Variants in GRID1 observed in about 807,000 individuals in gnomAD.
The protein encoded by GRID1 is glutamate ionotropic receptor delta type subunit 1.
GRID1 carries 28 observed loss-of-function variants against 98.0 expected under a neutral mutation model. The observed-to-expected ratio is 0.29, with a 90% confidence interval of 0.21 to 0.39. GRID1 has a LOEUF of 0.39. Among genes scored for constraint, GRID1 ranks in the 10% least tolerant of loss-of-function variants. The pLI, the probability that GRID1 is intolerant of heterozygous loss-of-function variation, is 1.00. For missense variants in GRID1, 1,111 were observed against 1,340.5 expected (o/e 0.83, Z 2.67); for synonymous variants, 553 against 538.5 (o/e 1.03, Z -0.37).
chr10:86,302,386 T>C (rs1847701661), intron 2 of GRID1, among the ~76,000 whole-genome samples: 2 of 152,188 alleles, frequency 1.3e-5, no homozygotes, highest in South Asian at 4.1e-4. Context: ...GAATGAAAAC[T>C]TCTAACACCT....
chr10:85,685,094 C>A (rs182203375), intron 12 of GRID1, among the ~76,000 whole-genome samples: 234 of 152,240 alleles, frequency 1.5e-3, no homozygotes, highest in African/African-American at 5.3e-3. Flanking sequence ...GGTATTATTT[C>A]TTTCATTAAA....
At chr10:85,802,549 C>G (rs1842586251) in intron 8 of GRID1, among the ~76,000 whole-genome samples, 1 of 151,806 alleles carries the variant, frequency 6.6e-6, no homozygotes, top group Non-Finnish European at 1.5e-5. Flanking sequence ...AAATTGTATG[C>G]CAACTCATAT....
intron 8 of GRID1, among the ~76,000 whole-genome samples, chr10:85,755,290 G>A (rs1368224926): frequency 6.6e-6 from 1 of 152,194 alleles, no homozygotes; most frequent in African/African-American, 2.4e-5. Flanking sequence ...TGAGCTAATG[G>A]AGCCTGCTCC....
chr10:85,935,907 C>T (rs1234818118), intron 4 of GRID1, among the ~76,000 whole-genome samples: 1 of 152,152 alleles, frequency 6.6e-6, no homozygotes, highest in Non-Finnish European at 1.5e-5. Flanking sequence ...TGCCTTATAC[C>T]AAGAACTACT....
chr10:86,241,196 C>T (rs1197753230), intron 2 of GRID1, among the ~76,000 whole-genome samples: 1 of 152,266 alleles, frequency 6.6e-6, no homozygotes, highest in African/African-American at 2.4e-5. Flanking sequence ...GAACTCTCAC[C>T]TTATCTCTGA....
At chr10:86,283,748 T>A (rs1192718036) in intron 2 of GRID1, among the ~76,000 whole-genome samples, 1 of 147,096 alleles carries the variant, frequency 6.8e-6, no homozygotes, top group Non-Finnish European at 1.5e-5. Flanking sequence ...CACACCTCCA[T>A]ATACACACTG....
chr10:85,633,092 A>G (rs983316650), intron 13 of GRID1, among the ~76,000 whole-genome samples: 4 of 152,014 alleles, frequency 2.6e-5, no homozygotes, highest in Admixed American at 6.5e-5. Context: ...TCCATGGTGT[A>G]TTAATTTTTG....
intron 2 of GRID1, among the ~76,000 whole-genome samples, chr10:86,356,449 C>G (rs1244926899): frequency 6.6e-6 from 1 of 152,216 alleles, no homozygotes; most frequent in Non-Finnish European, 1.5e-5. Flanking sequence ...TCCTGGATCC[C>G]TTGTGACTGG....
In GRID1 at chr10:86,114,193, G is replaced by GTA. The variant is rs536054108; in HGVS notation, c.726+24624_726+24625dup. 3.7e-3 allele frequency among the ~76,000 whole-genome samples: 570 copies of GTA among 152,278 alleles called. 3 individuals carry two copies. The highest frequency in any genetic ancestry group is 0.013 in the African/African-American group (534 of 41,538). ...AGGTGTCCACCAGACATGGAGTGCA[G>GTA]TATACGTTCCTGGCTCCTGTTAAGG... On this transcript the variant is annotated intron_variant, in intron 4 of 15. Transcript: ENST00000327946.
rs116906164 is a variant in GRID1 at position 85,852,815 on chromosome 10, T to A, written c.1233+1681A>T. On this transcript the variant is annotated intron_variant, in intron 8 of 15. Transcript: ENST00000327946. ...CAGCTTTGGGCATTCCTAACAGACA[T>A]CATAGGCCAGCCCTGGCTTCCTGGA... is the stretch of plus-strand genomic sequence containing the variant. Among the ~76,000 whole-genome samples the A allele has an allele frequency of 2.6e-5, 4 of 152,096 alleles. No homozygotes were observed. In the East Asian group the frequency reaches 7.8e-4, roughly 30 times the overall value.
At chr10:86,193,203 A>G (rs1845829565) in intron 3 of GRID1, among the ~76,000 whole-genome samples, 1 of 151,980 alleles carries the variant, frequency 6.6e-6, no homozygotes. Context: ...AGGGCTTGAG[A>G]TCTGAATCGC....
In GRID1 at chr10:86,088,035, C is replaced by A. The variant is rs1589366960; in HGVS notation, c.726+50784G>T. Among the ~76,000 whole-genome samples the A allele has an allele frequency of 3.3e-5, 5 of 152,344 alleles. 1 individual carries two copies. The highest frequency in any genetic ancestry group is 3.3e-4 in the Admixed American group (5 of 15,308). On this transcript the variant is annotated intron_variant, in intron 4 of 15. Transcript: ENST00000327946. ...TCCTCGCCAACAACCGCGGACTGTT[C>A]CAGCCCCACAAACGCTTCCGTGGCT...
Position 86,206,527 on chromosome 10 carries a change from G to C in GRID1, c.357C>G (p.Asn119Lys). The change falls in exon 3 of 16, where the codon AAC (asparagine) becomes AAG (lysine). Residue 119 changes from asparagine to lysine, a missense_variant. Coordinates refer to ENST00000327946, the MANE Select transcript of GRID1 (RefSeq NM_017551.3). This position sits in a 1 kb window ranked among gnomAD's most constrained non-coding sequence, Gnocchi z 4.1. Reference protein sequence around the residue: ...MHIPHLFVQRNPGGSPRTACH... With the variant: ...MHIPHLFVQRKPGGSPRTACH... ...ATGCGGTGCGTGGCGACCCTCCCGG[G>C]TTGCGCTGGACAAAGAGGTGTGGGA... 1.9e-6 allele frequency: 3 copies of C among 1,614,238 alleles called. No homozygotes were observed. The highest frequency in any genetic ancestry group is 2.5e-6 in the Non-Finnish European group (3 of 1,180,054).
chr10:86,080,361 A>G (rs1411575982), intron 4 of GRID1, among the ~76,000 whole-genome samples: 5 of 137,410 alleles, frequency 3.6e-5, no homozygotes, highest in African/African-American at 1.4e-4. Flanking sequence ...AGAGACAAAA[A>G]AAGAGAGAGA....
At chr10:85,958,343 A>G (rs1842221084) in intron 4 of GRID1, among the ~76,000 whole-genome samples, 1 of 152,178 alleles carries the variant, frequency 6.6e-6, no homozygotes, top group African/African-American at 2.4e-5. Flanking sequence ...ACTAAACAAT[A>G]CAATACCCAT....
intron 8 of GRID1, among the ~76,000 whole-genome samples, chr10:85,770,848 A>T (rs1271628529): frequency 6.6e-6 from 1 of 152,234 alleles, no homozygotes; most frequent in African/African-American, 2.4e-5. Flanking sequence ...TCTACGTCTG[A>T]TTGGTGTACC....
chr10:85,654,563 C>T (rs978687027), intron 12 of GRID1, among the ~76,000 whole-genome samples: 23 of 152,344 alleles, frequency 1.5e-4, no homozygotes, highest in Admixed American at 1.5e-3. Flanking sequence ...GTCCACCCTT[C>T]CTCCTGGGTT....
At chr10:86,110,498 G>A (rs1031309785) in intron 4 of GRID1, among the ~76,000 whole-genome samples, 7 of 152,192 alleles carry the variant, frequency 4.6e-5, no homozygotes, top group Admixed American at 1.3e-4. Context: ...GCACCATTGC[G>A]AAGAGGCAAT....
intron 8 of GRID1, among the ~76,000 whole-genome samples, chr10:85,730,225 C>T (rs1202601450): frequency 3.9e-5 from 6 of 152,186 alleles, no homozygotes; most frequent in Non-Finnish European, 1.5e-5. Context: ...TTCTCTTAAG[C>T]CTGCAGAGTA....
Sources: gnomAD v4.1 joint callset for allele counts (sites outside exome capture counted in the v4.1 genomes callset) on GRCh38, gnomAD v4.1.1 for gene constraint, Gnocchi (gnomAD v3.1) non-coding constraint, MANE v1.5 for transcripts, NCBI Gene and HGNC (gene_info 2026-07-23, HGNC 2026-07-21) for gene names.